The following TMEM212 variants were observed in gnomAD, a reference collection of about 807,000 sequenced individuals.
The protein encoded by TMEM212 is transmembrane protein 212.
A neutral mutation model predicts 20.5 loss-of-function variants in TMEM212; 23 were observed. The ratio of observed to expected loss-of-function variants is 1.12; its 90% CI spans 0.81 to 1.59. TMEM212 has a LOEUF of 1.59. Ranked by LOEUF, TMEM212 falls within the 40% of genes most tolerant of loss-of-function variation. TMEM212 has a pLI of 0.00. For missense variants in TMEM212, 211 were observed against 215.0 expected, an observed-to-expected ratio of 0.98 and a Z score of 0.12; for synonymous variants, 76 against 81.6, an observed-to-expected ratio of 0.93 and a Z score of 0.37.
rs1291461277 is a variant in TMEM212, at chr3:171,859,241, T to C, written c.*1184T>C. ...GTGTGGCAAACCAACATGGCACATA[T>C]ATACCTATGCAACAAACCTGCATGT... On this transcript the variant is annotated 3_prime_UTR_variant, in exon 5 of 5. Transcript: ENST00000334567. The C allele has an allele frequency of 6.6e-6, 1 of 152,038 alleles. No individual in the cohort carries two copies. Among genetic ancestry groups the C allele is most frequent in the Non-Finnish European group, 1.5e-5 (1 of 68,012 alleles). 9.4% of individuals were successfully genotyped at this position (152,038 alleles called of 1,614,324 possible).
intron 4 of TMEM212, 51 bp from the exon 5 acceptor site, chr3:171,858,010 G>A (rs1393857536): frequency 6.6e-6 from 1 of 152,090 alleles, no homozygotes; most frequent in Non-Finnish European, 1.5e-5. Flanking sequence ...GTAATTTATA[G>A]ATTCAATGCC....
At chr3:171,856,732 G>C (rs1290255049) in intron 4 of TMEM212, 25 bp downstream of exon 4, 1 of 650,502 alleles carries the variant, frequency 1.5e-6, no homozygotes, top group Admixed American at 2.4e-5. Context: ...GGATAGAAAA[G>C]GCCTGGGACC....
Position 171,851,957 on chromosome 3 carries a change from T to C in TMEM212, c.160-25T>C, listed in dbSNP as rs1459135768. 2.0e-6 allele frequency: 3 copies of C among 1,535,832 alleles called. No homozygotes were observed. The South Asian group carries it at 3.6e-5, about 18-fold the overall frequency. ...CAGAGGTACCTTCTGTGGTGGATGT[T>C]TATTTTTCCATTTTCTTGTCACAGG... On this transcript the variant is annotated intron_variant, in intron 1 of 4. Coordinates refer to ENST00000334567, the MANE Select transcript of TMEM212 (RefSeq NM_001164436.2).
intron 1 of TMEM212, 121 bp from the exon 2 acceptor site, chr3:171,851,861 C>A: frequency 1.2e-6 from 1 of 860,986 alleles, no homozygotes. Flanking sequence ...GCCATAAATC[C>A]ACTGAGTCAT....
chr3:171,852,905 T>C (rs1012506063), intron 2 of TMEM212, among the ~76,000 whole-genome samples: 1 of 152,224 alleles, frequency 6.6e-6, no homozygotes, highest in African/African-American at 2.4e-5. Context: ...TCAGTAGATC[T>C]GGGTGAGGCC....
chr3:171,850,795 A>G (rs1323263466), intron 1 of TMEM212, among the ~76,000 whole-genome samples: 1 of 152,118 alleles, frequency 6.6e-6, no homozygotes, highest in African/African-American at 2.4e-5. Flanking sequence ...GGCGATGCCA[A>G]GTCTGGAATT....
intron 1 of TMEM212, among the ~76,000 whole-genome samples, chr3:171,844,082 T>C (rs1724778447): frequency 6.6e-6 from 1 of 152,200 alleles, no homozygotes. Context: ...ATAATTCAAA[T>C]AATTCAATAA....
In TMEM212 at chr3:171,852,024, T is replaced by C; in HGVS notation, c.202T>C (p.Trp68Arg). 3 of 1,536,972 alleles carry C rather than the reference T, an allele frequency of 2.0e-6. No homozygotes were observed. Among genetic ancestry groups the C allele is most frequent in the Admixed American group, 2.0e-5 (1 of 50,970 alleles). ...GCTTCTACTGTTGGCTTACAGAGAG[T>C]GGACCCAGAGGTACCTGGTAAATAT... Reference protein sequence around the residue: ...GVLLLLAYREWTQRYLGEATF... With the variant: ...GVLLLLAYRERTQRYLGEATF... Residue 68 changes from tryptophan to arginine, a missense_variant, in exon 2 of 5, where the codon TGG (tryptophan) becomes CGG (arginine). Trp to Arg is a moderately radical substitution (Grantham distance 101). Coordinates refer to ENST00000334567, the MANE Select transcript of TMEM212 (RefSeq NM_001164436.2).
At chr3:171,851,388 ACT>A (rs1724972781) in intron 1 of TMEM212, among the ~76,000 whole-genome samples, 1 of 151,900 alleles carries the variant, frequency 6.6e-6, no homozygotes, top group South Asian at 2.1e-4. Flanking sequence ...ATAAAGAAAA[ACT>A]CTCTTTTGAA....
At chr3:171,855,445 T>A (rs1000810723) in intron 3 of TMEM212, among the ~76,000 whole-genome samples, 2 of 152,128 alleles carry the variant, frequency 1.3e-5, no homozygotes, top group Admixed American at 1.3e-4. Flanking sequence ...AAACCCCATC[T>A]CTACTAAAAA....
chr3:171,849,268 T>C (rs1201790166), intron 1 of TMEM212, among the ~76,000 whole-genome samples: 2 of 152,214 alleles, frequency 1.3e-5, no homozygotes, highest in Non-Finnish European at 2.9e-5. Context: ...ATCATCGATG[T>C]TTCCCCTGTA....
intron 1 of TMEM212, among the ~76,000 whole-genome samples, chr3:171,844,344 C>T (rs142545663): frequency 1.1e-3 from 164 of 152,266 alleles, no homozygotes; most frequent in African/African-American, 2.1e-3. Context: ...ATTCCTGTGA[C>T]GCCTGACACT....
intron 1 of TMEM212, among the ~76,000 whole-genome samples, chr3:171,847,423 T>C (rs868400259): frequency 1.3e-5 from 2 of 152,218 alleles, no homozygotes; most frequent in African/African-American, 4.8e-5. Flanking sequence ...TCCTCGACGG[T>C]TAGAGAAGGG....
At chr3:171,853,465 G>C in intron 2 of TMEM212, 62 bp from the exon 3 acceptor site, 1 of 1,336,554 alleles carries the variant, frequency 7.5e-7, no homozygotes, top group Non-Finnish European at 9.9e-7. Context: ...TCTTCATATT[G>C]CTAAGAAGCC....
chr3:171,852,161 T>C (rs1724991489), intron 2 of TMEM212, 120 bp downstream of exon 2: 1 of 791,244 alleles, frequency 1.3e-6, no homozygotes, highest in African/African-American at 1.7e-5. Context: ...GTCTAATTGA[T>C]GCCTTACTAC....
rs1390295247 is a variant in TMEM212 at position 171,858,697 on chromosome 3, ATCTAC to A, written c.*641_*645del. The A allele has an allele frequency of 8.1e-4, 123 of 151,874 alleles. No individual in the cohort carries two copies. Among genetic ancestry groups the A allele is most frequent in the African/African-American group, 2.8e-3 (114 of 41,128 alleles). 9.4% of individuals were successfully genotyped at this position (151,874 alleles called of 1,614,324 possible). ...ATCTGACAAACAGCTAATATCCAGA[ATCTAC>A]AAAGAACTTAAACAAATTTACAAGA... On this transcript the variant is annotated 3_prime_UTR_variant, in exon 5 of 5. Coordinates refer to ENST00000334567, the MANE Select transcript of TMEM212 (RefSeq NM_001164436.2).
intron 3 of TMEM212, among the ~76,000 whole-genome samples, chr3:171,856,127 T>G (rs548573022): frequency 1.3e-5 from 2 of 152,228 alleles, no homozygotes; most frequent in South Asian, 4.1e-4. Flanking sequence ...AAAAGCAGAA[T>G]GTATAATGTA....
rs1725043799 is a variant in TMEM212 at position 171,853,680 on chromosome 3, C to T, written c.373C>T (p.Pro125Ser). 1 of 1,537,484 alleles carries T rather than the reference C, an allele frequency of 6.5e-7. No individual in the cohort carries two copies. The highest frequency in any genetic ancestry group is 8.7e-7 in the Non-Finnish European group (1 of 1,146,940). ...TTACCTTGGCTATGCAGTTACCTTTCCTTATCCATATGCAAAATTCCCATT... is the reference window on the plus strand; with the variant it reads ...TTACCTTGGCTATGCAGTTACCTTTTCTTATCCATATGCAAAATTCCCATT... ...TNYLGYAVTF[P>S]YPYAKFPLAC... The change falls in exon 3 of 5, where the codon CCT becomes TCT. Residue 125 changes from proline (P) to serine (S), a missense_variant. By Grantham distance (74) the Pro-to-Ser change is moderately conservative. Coordinates refer to ENST00000334567, the MANE Select transcript of TMEM212 (RefSeq NM_001164436.2).
chr3:171,844,299 G>T (rs781345812), intron 1 of TMEM212, among the ~76,000 whole-genome samples: 2 of 152,164 alleles, frequency 1.3e-5, no homozygotes, highest in African/African-American at 4.8e-5. Flanking sequence ...AGAAGTTACA[G>T]AGACCCACCT....
Sources: allele counts gnomAD v4.1 joint callset (sites outside exome capture counted in the v4.1 genomes callset), GRCh38; gene constraint gnomAD v4.1.1; transcripts MANE v1.5; gene names NCBI Gene and HGNC (gene_info 2026-07-23, HGNC 2026-07-21).